LDAH: variants seen among roughly 807,000 people sequenced by gnomAD.
LDAH encodes the protein lipid droplet associated hydrolase, also known as lipid droplet-associated hydrolase.
In LDAH, 26 loss-of-function variants were observed where a neutral mutation model predicts 29.6. The observed-to-expected ratio is 0.88, with a 90% CI of 0.64 to 1.22. The LOEUF is 1.22. Among genes scored for constraint, LDAH ranks in the 50% most tolerant of loss-of-function variants. LDAH has a pLI of 0.00. For synonymous variants in LDAH, 117 were observed against 133.0 expected (o/e 0.88, Z 0.83); for missense variants, 344 against 387.3 (o/e 0.89, Z 0.94).
chr2:20,755,115 T>G (rs1005330591), intron 4 of LDAH, among the ~76,000 whole-genome samples: 2 of 131,192 alleles, frequency 1.5e-5, no homozygotes, highest in Admixed American at 8.3e-5. Context: ...AGAAGAAATA[T>G]TGTGTGTCTG....
At chr2:20,769,470 T>A (rs1244257632) in intron 4 of LDAH, among the ~76,000 whole-genome samples, 1 of 152,192 alleles carries the variant, frequency 6.6e-6, no homozygotes, top group Non-Finnish European at 1.5e-5. Context: ...TATGAATGCT[T>A]CTTACAAGCA....
At chr2:20,705,461 T>C (rs1347766593) in intron 5 of LDAH, among the ~76,000 whole-genome samples, 1 of 152,214 alleles carries the variant, frequency 6.6e-6, no homozygotes, top group African/African-American at 2.4e-5. Context: ...TTTTCTTTTA[T>C]TATTTCTTTG....
At chr2:20,734,232 T>C (rs569384718) in intron 5 of LDAH, among the ~76,000 whole-genome samples, 32 of 152,322 alleles carry the variant, frequency 2.1e-4, no homozygotes, top group African/African-American at 7.2e-4. Context: ...CAGCATACAA[T>C]TGAGTCATGT....
chr2:20,707,331 C>T (rs767290597), intron 5 of LDAH, among the ~76,000 whole-genome samples: 1 of 152,240 alleles, frequency 6.6e-6, no homozygotes, highest in East Asian at 1.9e-4. Context: ...CTCTCCTGTG[C>T]TCCTTCTGCC....
At chr2:20,748,539 T>C (rs1228239414) in intron 4 of LDAH, among the ~76,000 whole-genome samples, 1 of 152,198 alleles carries the variant, frequency 6.6e-6, no homozygotes. Flanking sequence ...CACTTCGTTT[T>C]GGGCTCTTCT....
At chr2:20,795,710 C>T (rs1018339050) in intron 2 of LDAH, among the ~76,000 whole-genome samples, 2 of 151,958 alleles carry the variant, frequency 1.3e-5, no homozygotes, top group African/African-American at 4.8e-5. Flanking sequence ...AATGATATTG[C>T]ATCCATTAAA....
chr2:20,806,498 T>A (rs1279780226), intron 1 of LDAH, among the ~76,000 whole-genome samples: 1 of 152,120 alleles, frequency 6.6e-6, no homozygotes, highest in East Asian at 1.9e-4. Context: ...ACAAAATTTT[T>A]AATTGGTAAC....
chr2:20,733,307 C>T (rs992026488), intron 5 of LDAH, among the ~76,000 whole-genome samples: 12 of 151,644 alleles, frequency 7.9e-5, no homozygotes, highest in East Asian at 3.9e-4. Flanking sequence ...CATGGCTTAC[C>T]GCAGCCTTGG....
chr2:20,684,633 G>T lies in LDAH; in HGVS notation c.*2270C>A. 1 of 380,682 alleles carries T rather than the reference G, an allele frequency of 2.6e-6. No individual in the cohort carries two copies. Among genetic ancestry groups the T allele is most frequent in the Non-Finnish European group, 4.7e-6 (1 of 213,224 alleles). The allele number at this position is 380,682 out of a possible 1,614,324, so 23.6% of individuals were successfully genotyped here. A position where few individuals can be genotyped will look rare whatever the true frequency, so the allele number is the denominator to read the frequency against. ...TTGAGTGGAGAAGCGTATGGTGAGAGGCCCTTGGTGGCCATGGACATCAGG... is the reference window on the plus strand; with the variant it reads ...TTGAGTGGAGAAGCGTATGGTGAGATGCCCTTGGTGGCCATGGACATCAGG... On this transcript the variant is annotated 3_prime_UTR_variant, in exon 7 of 7. Transcript: ENST00000237822.
At chr2:20,815,844 C>T (rs911883855) in intron 1 of LDAH, among the ~76,000 whole-genome samples, 4 of 152,026 alleles carry the variant, frequency 2.6e-5, no homozygotes, top group East Asian at 1.9e-4. Flanking sequence ...AACACTGGAA[C>T]GGGTAATAGT....
intron 5 of LDAH, among the ~76,000 whole-genome samples, chr2:20,739,203 A>G (rs1470961144): frequency 6.6e-6 from 1 of 152,202 alleles, no homozygotes; most frequent in Non-Finnish European, 1.5e-5. Context: ...TGCTGCAACT[A>G]ATTGTTACAT....
chr2:20,717,576 T>A (rs1357523996), intron 5 of LDAH, among the ~76,000 whole-genome samples: 1 of 152,208 alleles, frequency 6.6e-6, no homozygotes, highest in Non-Finnish European at 1.5e-5. Flanking sequence ...ACAAACTGAC[T>A]ACCACAAGAA....
chr2:20,713,254 A>T (rs2149380456), intron 5 of LDAH, among the ~76,000 whole-genome samples: 1 of 152,348 alleles, frequency 6.6e-6, no homozygotes, highest in Non-Finnish European at 1.5e-5. Flanking sequence ...TAAAGAAAAG[A>T]ATTTTCAACC....
At chr2:20,739,018 T>C (rs887246166) in intron 5 of LDAH, among the ~76,000 whole-genome samples, 3 of 152,350 alleles carry the variant, frequency 2.0e-5, no homozygotes, top group South Asian at 4.1e-4. Flanking sequence ...GGAAATGCAA[T>C]ACAGTGGCAG....
At chr2:20,754,803 C>G (rs1226363942) in intron 4 of LDAH, among the ~76,000 whole-genome samples, 1 of 151,922 alleles carries the variant, frequency 6.6e-6, no homozygotes, top group Non-Finnish European at 1.5e-5. Context: ...TATGAAAAAA[C>G]AAAGGAATAT....
At chr2:20,753,082 A>G (rs1668079349) in intron 4 of LDAH, among the ~76,000 whole-genome samples, 1 of 152,204 alleles carries the variant, frequency 6.6e-6, no homozygotes, top group Non-Finnish European at 1.5e-5. Context: ...CTTAAACTCT[A>G]GTTTCACTGT....
chr2:20,716,814 G>A (rs1484229988), intron 5 of LDAH, among the ~76,000 whole-genome samples: 1 of 149,442 alleles, frequency 6.7e-6, no homozygotes, highest in Non-Finnish European at 1.5e-5. Context: ...CACACAAAAT[G>A]GATGTCTTGC....
chr2:20,708,386 A>G (rs908574018), intron 5 of LDAH, among the ~76,000 whole-genome samples: 1 of 152,204 alleles, frequency 6.6e-6, no homozygotes, highest in African/African-American at 2.4e-5. Flanking sequence ...CCGTCTCCAA[A>G]TAACAAAACT....
At chr2:20,803,034 A>T (rs140880156) in intron 1 of LDAH, among the ~76,000 whole-genome samples, 4 of 152,306 alleles carry the variant, frequency 2.6e-5, no homozygotes, top group Admixed American at 6.5e-5. Context: ...ACAACTAGAG[A>T]CAATTTGCCC....
Sources: allele counts gnomAD v4.1 joint callset (sites outside exome capture counted in the v4.1 genomes callset), GRCh38; gene constraint gnomAD v4.1.1; transcripts MANE v1.5; gene names NCBI Gene and HGNC (gene_info 2026-07-23, HGNC 2026-07-21).